The following NCOA7 variants were observed in gnomAD, a reference collection of about 807,000 sequenced individuals.
NCOA7 encodes the protein nuclear receptor coactivator 7, also known as 140 kDa estrogen receptor-associated protein.
A neutral mutation model predicts 104.3 loss-of-function variants in NCOA7; 45 were observed. The observed-to-expected ratio is 0.43, with a 90% CI of 0.34 to 0.55. The LOEUF (loss-of-function observed/expected upper bound fraction) is 0.55. NCOA7 is among the 20% of genes least tolerant of loss of function. The pLI is 0.02. For synonymous variants in NCOA7, 398 were observed against 402.3 expected (o/e 0.99, Z 0.13); for missense variants, 1,041 against 1,119.7 (o/e 0.93, Z 1.00).
chr6:125,781,432 C>G (rs903216151), intron 1 of NCOA7: 1 of 152,038 alleles, frequency 6.6e-6, no homozygotes, highest in South Asian at 2.1e-4. Flanking sequence ...GAGTTTAAAT[C>G]ATTGATATAC....
intron 11 of NCOA7, among the ~76,000 whole-genome samples, chr6:125,918,578 C>G (rs1787281826): frequency 6.6e-6 from 1 of 152,198 alleles, no homozygotes; most frequent in South Asian, 2.1e-4. Context: ...CAGTGCTGAT[C>G]TGTATTTCTT....
At chr6:125,894,334 A>G (rs1326964165) in intron 10 of NCOA7, among the ~76,000 whole-genome samples, 1 of 152,116 alleles carries the variant, frequency 6.6e-6, no homozygotes, top group East Asian at 1.9e-4. Flanking sequence ...GTCGCGTACT[A>G]GACTCGGGCC....
intron 10 of NCOA7, among the ~76,000 whole-genome samples, chr6:125,896,320 G>A (rs1005243212): frequency 6.6e-6 from 1 of 152,006 alleles, no homozygotes; most frequent in Non-Finnish European, 1.5e-5. Context: ...CCAGATGCTT[G>A]GAACACTGAG....
At chr6:125,877,710 GTAGC>G (rs1243472250) in intron 4 of NCOA7, among the ~76,000 whole-genome samples, 1 of 152,124 alleles carries the variant, frequency 6.6e-6, no homozygotes, top group East Asian at 1.9e-4. Context: ...ACAATTATTG[GTAGC>G]TAATCTGAAT....
chr6:125,925,352 G>A (rs887012941), intron 13 of NCOA7, among the ~76,000 whole-genome samples: 1 of 152,218 alleles, frequency 6.6e-6, no homozygotes, highest in Non-Finnish European at 1.5e-5. Flanking sequence ...TTACCAGAGA[G>A]ATCCAAGAAA....
At chr6:125,827,657 G>C (rs916582420) in intron 2 of NCOA7, among the ~76,000 whole-genome samples, 1 of 152,184 alleles carries the variant, frequency 6.6e-6, no homozygotes, top group Non-Finnish European at 1.5e-5. Flanking sequence ...CAGGTAATCT[G>C]TGTGTTTAGG....
At chr6:125,829,405 A>G (rs1405737087) in intron 2 of NCOA7, among the ~76,000 whole-genome samples, 1 of 152,234 alleles carries the variant, frequency 6.6e-6, no homozygotes, top group Non-Finnish European at 1.5e-5. Flanking sequence ...GTGTATTAGT[A>G]TAGTTATCCT....
rs901549275 is a variant in NCOA7, at chr6:125,791,008, A to C, written c.-124A>C. The C allele has an allele frequency of 6.5e-6, 1 of 153,448 alleles. No individual in the cohort carries two copies. Among genetic ancestry groups the C allele is most frequent in the African/African-American group, 2.4e-5 (1 of 41,382 alleles). 9.5% of individuals were successfully genotyped at this position (153,448 alleles called of 1,614,324 possible). ...CAGCAGCAGAGGCCACCGCTCCCAG[A>C]AATGCATGCGACCGATCCCCTTCTC... On this transcript the variant is annotated 5_prime_UTR_variant, in exon 1 of 16. Coordinates refer to ENST00000392477, the MANE Select transcript of NCOA7 (RefSeq NM_181782.5).
rs577789923 is a variant in NCOA7 at position 125,911,138 on chromosome 6, G to A, written c.2097-4195G>A. ...TGGTAATCCAACAAAGAAACAGGTG[G>A]TGAGAATGTGGAGGTCAAAAGAGCA... On this transcript the variant is annotated intron_variant, in intron 10 of 15. Transcript: ENST00000392477. Among the ~76,000 whole-genome samples, 23 of 152,326 alleles carry A rather than the reference G, an allele frequency of 1.5e-4. No homozygotes were observed. The South Asian group carries it at 3.9e-3, about 26-fold the overall frequency.
intron 10 of NCOA7, among the ~76,000 whole-genome samples, chr6:125,912,376 G>C (rs1310108096): frequency 6.6e-6 from 1 of 152,184 alleles, no homozygotes; most frequent in African/African-American, 2.4e-5. Flanking sequence ...ATTGCTGCGT[G>C]GGCATGGAGG....
In NCOA7 at chr6:125,887,428, T is replaced by G. The variant is rs149713230; in HGVS notation, c.885-1511T>G. 3.8e-3 allele frequency among the ~76,000 whole-genome samples: 581 copies of G among 152,334 alleles called. 3 individuals carry two copies. The highest frequency in any genetic ancestry group is 0.013 in the African/African-American group (550 of 41,576). On this transcript the variant is annotated intron_variant, in intron 8 of 15. Coordinates refer to ENST00000392477, the MANE Select transcript of NCOA7 (RefSeq NM_181782.5). Reference sequence around the variant, plus strand: ...GGCAGAACATTTTGTGTTTGCAAGTTCCTGCAGAACAGAGATTCTTTCACA... The same window carrying G: ...GGCAGAACATTTTGTGTTTGCAAGTGCCTGCAGAACAGAGATTCTTTCACA...
chr6:125,811,877 T>G (rs933412924), intron 1 of NCOA7, among the ~76,000 whole-genome samples: 1 of 152,170 alleles, frequency 6.6e-6, no homozygotes, highest in Non-Finnish European at 1.5e-5. Flanking sequence ...TGCTGCAGCA[T>G]TGGATGTTGT....
chr6:125,875,023 T>C, intron 4 of NCOA7, 55 bp downstream of exon 4: 3 of 1,335,914 alleles, frequency 2.2e-6, no homozygotes, highest in Non-Finnish European at 3.2e-6. Context: ...ATTTATATAA[T>C]GGTTTTCCCT....
At chr6:125,912,664 G>A (rs6934967) in intron 10 of NCOA7, among the ~76,000 whole-genome samples, 98,356 of 151,994 alleles carry the variant, frequency 0.65, 32,045 homozygotes, top group East Asian at 0.76. Flanking sequence ...TTTATATGGA[G>A]CATGTTCTGC....
rs1049238048 is a variant in NCOA7 at position 125,809,846 on chromosome 6, T to C, written c.-64-5445T>C. Among the ~76,000 whole-genome samples the C allele has an allele frequency of 1.8e-4, 28 of 152,166 alleles. 1 individual carries two copies. Among genetic ancestry groups the C allele is most frequent in the African/African-American group, 5.8e-4 (24 of 41,454 alleles). On this transcript the variant is annotated intron_variant, in intron 1 of 15. Transcript: ENST00000392477. ...CCTCATGGATATACTGCTGTTTTTC[T>C]AGTCCTGACTTGTTATACTTGAATA...
chr6:125,844,433 A>G (rs998647574), intron 2 of NCOA7, among the ~76,000 whole-genome samples: 2 of 152,234 alleles, frequency 1.3e-5, no homozygotes, highest in African/African-American at 4.8e-5. Flanking sequence ...AGGAACATCC[A>G]CAGGTTTTTC....
intron 2 of NCOA7, among the ~76,000 whole-genome samples, chr6:125,851,451 A>G (rs1161461976): frequency 6.6e-6 from 1 of 152,206 alleles, no homozygotes; most frequent in African/African-American, 2.4e-5. Flanking sequence ...GTGGCTGAGT[A>G]GTAGTCCATG....
At chr6:125,784,223 CATTT>C (rs1428663384) in intron 1 of NCOA7, among the ~76,000 whole-genome samples, 1 of 152,160 alleles carries the variant, frequency 6.6e-6, no homozygotes, top group Non-Finnish European at 1.5e-5. Flanking sequence ...GCTATTCATT[CATTT>C]GATAAACATT....
upstream of NCOA7, among the ~76,000 whole-genome samples, chr6:125,787,329 G>A (rs1378416425): frequency 6.6e-6 from 1 of 152,150 alleles, no homozygotes; most frequent in African/African-American, 2.4e-5. Flanking sequence ...AGATAGATAG[G>A]TAAGAAAAAT....
Sources: gnomAD v4.1 joint callset for allele counts (sites outside exome capture counted in the v4.1 genomes callset) on GRCh38, gnomAD v4.1.1 for gene constraint, MANE v1.5 for transcripts, NCBI Gene and HGNC (gene_info 2026-07-23, HGNC 2026-07-21) for gene names.